TLN2: variants seen among roughly 807,000 people sequenced by gnomAD.
TLN2 encodes talin 2.
Under a neutral mutation model 294.7 loss-of-function variants are expected in TLN2, and 118 were observed. The ratio of observed to expected loss-of-function variants is 0.40; its 90% CI spans 0.34 to 0.47. The LOEUF (loss-of-function observed/expected upper bound fraction) is 0.47. Among genes scored for constraint, TLN2 ranks in the 20% least tolerant of loss-of-function variants. TLN2 has a pLI of 0.84. For synonymous variants in TLN2, 1,431 were observed against 1,304.5 expected, an observed-to-expected ratio of 1.10 and a Z score of -2.09; for missense variants, 3,083 against 3,282.2, an observed-to-expected ratio of 0.94 and a Z score of 1.48.
At chr15:62,461,434 A>G (rs1013064710) in intron 1 of TLN2, among the ~76,000 whole-genome samples, 4 of 152,178 alleles carry the variant, frequency 2.6e-5, no homozygotes, top group African/African-American at 9.7e-5. Context: ...GTACGTAGGT[A>G]TGTAGGCAGT....
intron 2 of TLN2, among the ~76,000 whole-genome samples, chr15:62,609,059 T>C (rs1331729009): frequency 1.3e-5 from 2 of 152,040 alleles, no homozygotes; most frequent in African/African-American, 2.4e-5. Context: ...GTGGTGGTGG[T>C]GGGGTTACGT....
In TLN2 at chr15:62,481,571, G is replaced by A. The variant is rs545376010; in HGVS notation, c.-238+90886G>A. On this transcript the variant is annotated intron_variant, in intron 1 of 58. Coordinates refer to ENST00000636159, the MANE Select transcript of TLN2 (RefSeq NM_015059.3). ...GATACAGGGTCACACCATGATGCCC[G>A]GGTTGGTCTAGAACTCTGGGCTCAC... 9.2e-5 allele frequency among the ~76,000 whole-genome samples: 14 copies of A among 152,066 alleles called. No homozygotes were observed. In the East Asian group the frequency reaches 2.1e-3, roughly 23 times the overall value.
intron 1 of TLN2, among the ~76,000 whole-genome samples, chr15:62,565,374 G>C (rs2043311000): frequency 1.3e-5 from 2 of 152,160 alleles, no homozygotes; most frequent in South Asian, 4.1e-4. Context: ...ACTGACAGAT[G>C]ATATTTCTAA....
intron 1 of TLN2, among the ~76,000 whole-genome samples, chr15:62,519,020 A>C (rs1004128145): frequency 6.6e-6 from 1 of 152,242 alleles, no homozygotes; most frequent in Non-Finnish European, 1.5e-5. Context: ...CTTCACAGCA[A>C]TTCTAAGAGG....
At chr15:62,584,305 C>A (rs1014629943) in intron 1 of TLN2, among the ~76,000 whole-genome samples, 4 of 152,108 alleles carry the variant, frequency 2.6e-5, no homozygotes, top group African/African-American at 9.7e-5. Flanking sequence ...AGCTTTTGCC[C>A]CCTTTATACT....
intron 11 of TLN2, among the ~76,000 whole-genome samples, chr15:62,677,673 T>G (rs2056368178): frequency 6.6e-6 from 1 of 152,016 alleles, no homozygotes; most frequent in Non-Finnish European, 1.5e-5. Flanking sequence ...TAGACTTTTT[T>G]TTCCTTTCTT....
intron 3 of TLN2, among the ~76,000 whole-genome samples, chr15:62,627,447 G>T (rs2049380056): frequency 1.3e-5 from 2 of 152,094 alleles, no homozygotes; most frequent in African/African-American, 4.8e-5. Context: ...ATCTTTATTT[G>T]TGTTTTTTAC....
At position 62,694,403 on chromosome 15, in the gene TLN2, T is replaced by G. The variant is rs776482197; in HGVS notation, c.1292+11T>G. On this transcript the variant is annotated intron_variant, in intron 14 of 58. Transcript: ENST00000636159. ...CGTTTCCCCAAAAAAGTAAGTATTATGAAGAGTACTAGAGGACCACCTTCT... is the reference window on the plus strand; with the variant it reads ...CGTTTCCCCAAAAAAGTAAGTATTAGGAAGAGTACTAGAGGACCACCTTCT... 7.4e-6 allele frequency: 12 copies of G among 1,612,994 alleles called. No individual in the cohort carries two copies. The highest frequency in any genetic ancestry group is 5.9e-6 in the Non-Finnish European group (7 of 1,178,992).
At chr15:62,797,116 C>G in intron 47 of TLN2, 103 bp from the exon 48 acceptor site, 1 of 1,285,204 alleles carries the variant, frequency 7.8e-7, no homozygotes, top group South Asian at 1.3e-5. Context: ...TTCTTCAAAG[C>G]CCTTTAACAA....
intron 1 of TLN2, among the ~76,000 whole-genome samples, chr15:62,499,405 G>A (rs1238717767): frequency 6.6e-6 from 1 of 152,136 alleles, no homozygotes; most frequent in Non-Finnish European, 1.5e-5. Flanking sequence ...AGCTGAGATT[G>A]CACTACTGCA....
intron 12 of TLN2, among the ~76,000 whole-genome samples, chr15:62,688,808 C>T (rs79342949): frequency 6.6e-6 from 1 of 152,218 alleles, no homozygotes; most frequent in African/African-American, 2.4e-5. Flanking sequence ...CTAATGTTGA[C>T]ATAGCCACCA....
chr15:62,825,775 T>A (rs1281328934), intron 54 of TLN2, among the ~76,000 whole-genome samples: 3 of 24,346 alleles, frequency 1.2e-4, no homozygotes, highest in East Asian at 9.2e-4. Context: ...ATATATTATA[T>A]AATATATTAT....
chr15:62,578,061 T>TA (rs1421586344), intron 1 of TLN2, among the ~76,000 whole-genome samples: 1 of 152,268 alleles, frequency 6.6e-6, no homozygotes, highest in Non-Finnish European at 1.5e-5. Context: ...CCATGGTGTA[T>TA]ATGTGCCGTA....
Position 62,836,047 on chromosome 15 carries a change from G to T in TLN2, c.7348G>T (p.Asp2450Tyr), listed in dbSNP as rs767969576. Residue 2450 changes from aspartate to tyrosine, a missense_variant, in exon 57 of 59, where the codon GAT (aspartate) becomes TAT (tyrosine). Coordinates refer to ENST00000636159, the MANE Select transcript of TLN2 (RefSeq NM_015059.3). The part of the protein sequence containing the change: ...LVACKVKADQ[D>Y]SEAMRRLQAA... ...GGCCTGCAAGGTGAAGGCCGACCAGGATTCAGAGGCCATGAGGCGGCTACA... is the reference window on the plus strand; with the variant it reads ...GGCCTGCAAGGTGAAGGCCGACCAGTATTCAGAGGCCATGAGGCGGCTACA... The T allele has an allele frequency of 1.2e-6, 2 of 1,611,796 alleles. No homozygotes were observed. The highest frequency in any genetic ancestry group is 1.7e-5 in the Admixed American group (1 of 59,694).
rs1415818679 is a variant in TLN2 at position 62,835,729 on chromosome 15, C to T, written c.7129-8C>T. On this transcript the variant is annotated splice_region_variant and splice_polypyrimidine_tract_variant and intron_variant, in intron 55 of 58. Coordinates refer to ENST00000636159, the MANE Select transcript of TLN2 (RefSeq NM_015059.3). ...CCTCATGGCCAATTTCTCGACTCTACTCTCTAGGTGGGCTCCATCCCTGCC... is the reference window on the plus strand; with the variant it reads ...CCTCATGGCCAATTTCTCGACTCTATTCTCTAGGTGGGCTCCATCCCTGCC... 8.1e-6 allele frequency: 13 copies of T among 1,614,058 alleles called. No individual in the cohort carries two copies. The highest frequency in any genetic ancestry group is 1.1e-5 in the Non-Finnish European group (13 of 1,180,034).
intron 1 of TLN2, among the ~76,000 whole-genome samples, chr15:62,463,363 CTT>C (rs1314425454): frequency 1.3e-5 from 2 of 152,110 alleles, no homozygotes; most frequent in East Asian, 3.9e-4. Context: ...ATTGACAGGT[CTT>C]TAATTCCTGA....
intron 1 of TLN2, among the ~76,000 whole-genome samples, chr15:62,447,105 C>T (rs1188883480): frequency 6.6e-6 from 1 of 152,158 alleles, no homozygotes; most frequent in Non-Finnish European, 1.5e-5. Context: ...CCATAATGAA[C>T]GCATAGCTGC....
At chr15:62,733,666 C>T (rs1595824865) in intron 28 of TLN2, among the ~76,000 whole-genome samples, 1 of 152,228 alleles carries the variant, frequency 6.6e-6, no homozygotes, top group Non-Finnish European at 1.5e-5. Flanking sequence ...TGAAGAATAG[C>T]AACCATTATG....
intron 1 of TLN2, among the ~76,000 whole-genome samples, chr15:62,494,918 C>T (rs959436830): frequency 6.6e-6 from 1 of 152,154 alleles, no homozygotes; most frequent in Non-Finnish European, 1.5e-5. Flanking sequence ...CCGCTCCCCA[C>T]ACAGCCCTCC....
Sources: gnomAD v4.1 joint callset for allele counts (sites outside exome capture counted in the v4.1 genomes callset) on GRCh38, gnomAD v4.1.1 for gene constraint, MANE v1.5 for transcripts, NCBI Gene and HGNC (gene_info 2026-07-23, HGNC 2026-07-21) for gene names.